The following SPATA6 variants were observed in gnomAD, a reference collection of about 807,000 sequenced individuals.
SPATA6 encodes the protein spermatogenesis associated 6, also known as spermatogenesis-associated protein 6.
A neutral mutation model predicts 65.3 loss-of-function variants in SPATA6; 56 were observed. The ratio of observed to expected loss-of-function variants is 0.86; its 90% CI spans 0.69 to 1.07. The LOEUF is 1.07. Among genes scored for constraint, SPATA6 ranks in the 50% least tolerant of loss-of-function variants. The pLI is 0.00. For synonymous variants in SPATA6, 199 were observed against 213.2 expected, an observed-to-expected ratio of 0.93 and a Z score of 0.58; for missense variants, 590 against 594.8, an observed-to-expected ratio of 0.99 and a Z score of 0.08.
intron 11 of SPATA6, among the ~76,000 whole-genome samples, chr1:48,322,661 A>AT (rs1208540220): frequency 1.3e-5 from 2 of 152,224 alleles, no homozygotes; most frequent in African/African-American, 4.8e-5. Context: ...AATTTTTGCA[A>AT]TCTATCCATC....
intron 3 of SPATA6, among the ~76,000 whole-genome samples, chr1:48,442,567 G>A (rs887805504): frequency 2.0e-5 from 3 of 151,304 alleles, no homozygotes; most frequent in Non-Finnish European, 4.4e-5. Flanking sequence ...GAGAGAGGAA[G>A]AGACAGAGAC....
chr1:48,438,176 G>GT (rs1465143687), intron 3 of SPATA6, among the ~76,000 whole-genome samples: 5 of 152,082 alleles, frequency 3.3e-5, no homozygotes, highest in African/African-American at 4.8e-5. Context: ...TTTAAGAGCT[G>GT]TAACACTCCC....
chr1:48,403,928 G>C, intron 5 of SPATA6, 46 bp from the exon 6 acceptor site: 4 of 1,329,130 alleles, frequency 3.0e-6, no homozygotes, highest in South Asian at 2.6e-5. Context: ...CATTTAAATA[G>C]AGATAATTAT....
chr1:48,355,040 A>C (rs1290319384), intron 11 of SPATA6, among the ~76,000 whole-genome samples: 2 of 152,122 alleles, frequency 1.3e-5, no homozygotes, highest in East Asian at 3.9e-4. Context: ...AGTGTCCAGC[A>C]CACATTGATG....
intron 5 of SPATA6, among the ~76,000 whole-genome samples, chr1:48,406,364 G>A (rs1166183794): frequency 6.6e-6 from 1 of 151,970 alleles, no homozygotes; most frequent in African/African-American, 2.4e-5. Context: ...TTAAAGTCAA[G>A]TGATTGTAAA....
intron 11 of SPATA6, among the ~76,000 whole-genome samples, chr1:48,355,039 C>T (rs1229875989): frequency 6.6e-6 from 1 of 152,002 alleles, no homozygotes; most frequent in African/African-American, 2.4e-5. Context: ...TAGTGTCCAG[C>T]ACACATTGAT....
Position 48,296,518 on chromosome 1 carries a change from GTACTTATTCAC to G in SPATA6, c.*2184_*2194del, listed in dbSNP as rs1262191166. On this transcript the variant is annotated 3_prime_UTR_variant, in exon 13 of 13. Coordinates refer to ENST00000371847, the MANE Select transcript of SPATA6 (RefSeq NM_019073.4). Reference sequence around the variant, plus strand: ...ACAGGTGCAATAAGTAATTTCTGTGGTACTTATTCACTTGGGAGATTTTGGTGATAGTAAAA... The same window carrying G: ...ACAGGTGCAATAAGTAATTTCTGTGGTTGGGAGATTTTGGTGATAGTAAAA... The G allele has an allele frequency of 6.6e-6, 1 of 152,086 alleles. No homozygotes were observed. The highest frequency in any genetic ancestry group is 1.9e-4 in the East Asian group (1 of 5,186). 9.4% of individuals were successfully genotyped at this position (152,086 alleles called of 1,614,324 possible).
In SPATA6 at chr1:48,451,562, T is replaced by C; in HGVS notation, c.228A>G (p.Thr76=). 1 of 1,612,182 alleles carries C rather than the reference T, an allele frequency of 6.2e-7. No homozygotes were observed. Among genetic ancestry groups the C allele is most frequent in the African/African-American group, 1.3e-5 (1 of 74,978 alleles). ...PDAVDPGDVV[T]QLEYDTAVFE... ...AGTTAAAAAACTTACATTCAAGCTGTGTAACCACATCTCCAGGATCTACTG... is the reference window on the plus strand; with the variant it reads ...AGTTAAAAAACTTACATTCAAGCTGCGTAACCACATCTCCAGGATCTACTG... Residue 76 remains threonine (T), a synonymous_variant, in exon 3 of 13, where the codon ACA becomes ACG. Transcript: ENST00000371847.
At chr1:48,446,595 G>C (rs1656073169) in intron 3 of SPATA6, among the ~76,000 whole-genome samples, 1 of 152,076 alleles carries the variant, frequency 6.6e-6, no homozygotes, top group Admixed American at 6.6e-5. Flanking sequence ...AAATTTAAGG[G>C]TTTAAGTCAA....
chr1:48,439,074 CA>C (rs1429342503), intron 3 of SPATA6, among the ~76,000 whole-genome samples: 2 of 152,090 alleles, frequency 1.3e-5, no homozygotes, highest in African/African-American at 4.8e-5. Context: ...TATGGCCCTC[CA>C]CTTCATTTTT....
intron 6 of SPATA6, among the ~76,000 whole-genome samples, chr1:48,401,917 T>G (rs1448224029): frequency 6.6e-6 from 1 of 152,194 alleles, no homozygotes; most frequent in Non-Finnish European, 1.5e-5. Flanking sequence ...TACTGATATT[T>G]AACTATTTAA....
At chr1:48,373,783 TA>T (rs1647574590) in intron 9 of SPATA6, among the ~76,000 whole-genome samples, 1 of 152,140 alleles carries the variant, frequency 6.6e-6, no homozygotes, top group African/African-American at 2.4e-5. Flanking sequence ...AAACCCCTGA[TA>T]AACCCCTCAG....
chr1:48,316,549 T>C (rs1645427373), intron 11 of SPATA6, among the ~76,000 whole-genome samples: 1 of 152,196 alleles, frequency 6.6e-6, no homozygotes. Context: ...GATTAAAGAC[T>C]TACTTGTTAG....
intron 11 of SPATA6, among the ~76,000 whole-genome samples, chr1:48,310,275 G>C (rs1208034907): frequency 6.6e-6 from 1 of 152,186 alleles, no homozygotes; most frequent in Non-Finnish European, 1.5e-5. Context: ...TCTCCAGCAA[G>C]TCAAGTAATT....
chr1:48,469,697 T>G (rs1658085818), intron 1 of SPATA6, among the ~76,000 whole-genome samples: 1 of 151,762 alleles, frequency 6.6e-6, no homozygotes, highest in Non-Finnish European at 1.5e-5. Context: ...AAAATCAAAA[T>G]GAAGATGTTA....
the SPATA6 span, among the ~76,000 whole-genome samples, chr1:48,276,187 C>CTT: frequency 6.6e-6 from 1 of 152,162 alleles, no homozygotes; most frequent in Non-Finnish European, 1.5e-5. Flanking sequence ...GTGACATCCA[C>CTT]TTTATCATTT....
chr1:48,418,544 CAAAAAAAAAAAAAAAAAAAA>C (rs34415296), intron 3 of SPATA6, among the ~76,000 whole-genome samples: 6 of 49,678 alleles, frequency 1.2e-4, no homozygotes, highest in South Asian at 1.7e-3. Flanking sequence ...CCCATCCCTA[CAAAAAAAAAAAAAAAAAAAA>C]AAAAAAAAAA....
Position 48,399,351 on chromosome 1 carries a change from A to C in SPATA6, c.780T>G (p.His260Gln), listed in dbSNP as rs149803117. The C allele has an allele frequency of 2.3e-4, 364 of 1,611,354 alleles. No individual in the cohort carries two copies. The highest frequency in any genetic ancestry group is 5.7e-4 in the Admixed American group (34 of 59,580). ...TAGAAATGCTTAAGAGAACACATACATGTCTAATCACAAATGGAGGTTTAT... is the reference window on the plus strand; with the variant it reads ...TAGAAATGCTTAAGAGAACACATACCTGTCTAATCACAAATGGAGGTTTAT... Reference protein sequence around the residue: ...ETDKPPFVIRHVDPPSPRADT... With the variant: ...ETDKPPFVIRQVDPPSPRADT... Residue 260 changes from histidine (H) to glutamine (Q), a missense_variant and splice_region_variant, in exon 7 of 13, where the codon CAT becomes CAG. Physicochemically the swap from His to Gln is conservative, Grantham distance 24. Coordinates refer to ENST00000371847, the MANE Select transcript of SPATA6 (RefSeq NM_019073.4).
At chr1:48,403,395 A>G (rs1330215420) in intron 6 of SPATA6, among the ~76,000 whole-genome samples, 1 of 152,172 alleles carries the variant, frequency 6.6e-6, no homozygotes, top group Non-Finnish European at 1.5e-5. Flanking sequence ...TCCCAGTCTG[A>G]TAACTCTGGT....
Sources: gnomAD v4.1 joint callset for allele counts (sites outside exome capture counted in the v4.1 genomes callset) on GRCh38, gnomAD v4.1.1 for gene constraint, MANE v1.5 for transcripts, NCBI Gene and HGNC (gene_info 2026-07-23, HGNC 2026-07-21) for gene names.